The following ITGA1 variants were observed in gnomAD, a reference collection of about 807,000 sequenced individuals.
The protein encoded by ITGA1 is integrin subunit alpha 1, also known as integrin alpha-1.
A neutral mutation model predicts 145.9 loss-of-function variants in ITGA1; 85 were observed. That is an observed-to-expected ratio of 0.58 (90% CI 0.49 to 0.70). The LOEUF is 0.70. Ranked by LOEUF, ITGA1 falls within the 30% of genes least tolerant of loss-of-function variation. The pLI, the probability that ITGA1 is intolerant of heterozygous loss-of-function variation, is 0.00. For missense variants in ITGA1, 1,351 were observed against 1,418.7 expected (o/e 0.95, Z 0.77); for synonymous variants, 520 against 495.3 (o/e 1.05, Z -0.66).
At chr5:52,896,316 TC>T (rs1750223075) in intron 9 of ITGA1, among the ~76,000 whole-genome samples, 1 of 152,180 alleles carries the variant, frequency 6.6e-6, no homozygotes, top group East Asian at 1.9e-4. Context: ...GTTGCTGCAT[TC>T]TTATTGATCT....
In ITGA1 at chr5:52,849,429, G is replaced by T. The variant is rs201009495; in HGVS notation, c.126G>T (p.Pro42=). The T allele has an allele frequency of 2.5e-5, 41 of 1,611,442 alleles. No individual in the cohort carries two copies. In the East Asian group the frequency reaches 8.7e-4, roughly 34 times the overall value. ...AAAATTCAATGACTTTCAGCGGCCC[G>T]GTGGAAGACATGTTTGGATATACTG... ...DVKNSMTFSG[P]VEDMFGYTVQ... Residue 42 remains proline (P), a synonymous_variant, in exon 2 of 29, where the codon CCG becomes CCT. Coordinates refer to ENST00000282588, the MANE Select transcript of ITGA1 (RefSeq NM_181501.2).
chr5:52,868,395 G>A (rs552724167), intron 6 of ITGA1, among the ~76,000 whole-genome samples: 3 of 152,160 alleles, frequency 2.0e-5, no homozygotes, highest in African/African-American at 7.2e-5. Flanking sequence ...ACTCCATTTT[G>A]TAAAGAAATA....
At chr5:52,918,488 A>G (rs1027956959) in intron 15 of ITGA1, among the ~76,000 whole-genome samples, 4 of 152,212 alleles carry the variant, frequency 2.6e-5, no homozygotes, top group South Asian at 2.1e-4. Flanking sequence ...TTTCCATCAC[A>G]GGAAAAACTA....
intron 2 of ITGA1, among the ~76,000 whole-genome samples, chr5:52,860,450 G>T (rs1749580835): frequency 6.6e-6 from 1 of 152,182 alleles, no homozygotes; most frequent in Admixed American, 6.5e-5. Context: ...GGAGGCTGAG[G>T]CAGGAGAATC....
At position 52,920,319 on chromosome 5, in the gene ITGA1, A is replaced by G. The variant is rs11948400; in HGVS notation, c.2156-13A>G. The stretch of plus-strand genomic sequence containing the variant: ...TAAACATTTCCATCAATTATTTTTT[A>G]AAATTTTTGTAGATTTGCAGTACCG... On this transcript the variant is annotated splice_polypyrimidine_tract_variant and intron_variant, in intron 16 of 28. Transcript: ENST00000282588. 5.5e-3 allele frequency: 8,638 copies of G among 1,570,162 alleles called. 482 individuals carry two copies. In the African/African-American group the frequency reaches 0.11, roughly 19 times the overall value.
At chr5:52,897,915 A>G (rs771940427) in intron 10 of ITGA1, among the ~76,000 whole-genome samples, 12 of 152,210 alleles carry the variant, frequency 7.9e-5, no homozygotes, top group Non-Finnish European at 1.6e-4. Context: ...GGCACCCAGA[A>G]TAAAGTAGAA....
Position 52,945,035 on chromosome 5 carries a change from G to A in ITGA1, c.3378G>A (p.Glu1126=), listed in dbSNP as rs1425630874. The change falls in exon 27 of 29, where the codon GAG becomes GAA. Residue 1126 remains glutamate, a splice_region_variant and synonymous_variant. Coordinates refer to ENST00000282588, the MANE Select transcript of ITGA1 (RefSeq NM_181501.2). The part of the protein sequence containing the change: ...LVLSSSNQKR[E]LAIQISKDGL... Reference sequence around the variant, plus strand: ...TAAGTAGCAGCAATCAAAAAAGAGAGGTAAGTGCAACATGAGTTTTGAAAA... The same window carrying A: ...TAAGTAGCAGCAATCAAAAAAGAGAAGTAAGTGCAACATGAGTTTTGAAAA... The A allele has an allele frequency of 6.2e-7, 1 of 1,605,882 alleles. No homozygotes were observed. Among genetic ancestry groups the A allele is most frequent in the East Asian group, 2.2e-5 (1 of 44,744 alleles).
intron 28 of ITGA1, chr5:52,948,754 T>C (rs1751171589): frequency 6.6e-6 from 1 of 152,230 alleles, no homozygotes; most frequent in Non-Finnish European, 1.5e-5. Flanking sequence ...TTCATTTCTA[T>C]GCACCTCTAA....
chr5:52,886,050 G>A (rs1750041458), intron 7 of ITGA1, among the ~76,000 whole-genome samples: 2 of 152,312 alleles, frequency 1.3e-5, no homozygotes, highest in African/African-American at 4.8e-5. Context: ...TACCAAGGAT[G>A]AGGGATTTCC....
intron 1 of ITGA1, among the ~76,000 whole-genome samples, chr5:52,837,439 A>G (rs1749177452): frequency 6.6e-6 from 1 of 152,202 alleles, no homozygotes; most frequent in South Asian, 2.1e-4. Context: ...AAATGTCAGA[A>G]GTGGAAAGTT....
intron 18 of ITGA1, 56 bp from the exon 19 acceptor site, chr5:52,925,222 A>C (rs1750786171): frequency 7.5e-7 from 1 of 1,329,660 alleles, no homozygotes; most frequent in South Asian, 1.2e-5. Flanking sequence ...ATTGATGGGT[A>C]ATTTTCAACA....
chr5:52,842,212 A>C (rs1030529277), intron 1 of ITGA1, among the ~76,000 whole-genome samples: 2 of 152,170 alleles, frequency 1.3e-5, no homozygotes, highest in Non-Finnish European at 2.9e-5. Flanking sequence ...GTTTTGAGCA[A>C]CTGAGATGAG....
intron 28 of ITGA1, among the ~76,000 whole-genome samples, chr5:52,951,355 C>A (rs1751216224): frequency 6.6e-6 from 1 of 151,956 alleles, no homozygotes; most frequent in South Asian, 2.1e-4. Context: ...TAAAAATAAG[C>A]ATTTTAGGTT....
chr5:52,947,600 G>A (rs1415347709), intron 28 of ITGA1, 139 bp downstream of exon 28: 33 of 585,672 alleles, frequency 5.6e-5, no homozygotes, highest in South Asian at 1.8e-4. Flanking sequence ...CTAAGGGAAA[G>A]AAAAAAGAAA....
At chr5:52,840,307 C>T (rs983633249) in intron 1 of ITGA1, among the ~76,000 whole-genome samples, 20 of 152,142 alleles carry the variant, frequency 1.3e-4, no homozygotes, top group South Asian at 1.0e-3. Flanking sequence ...TGTTTTGAAG[C>T]GTAGTACGCC....
intron 15 of ITGA1, among the ~76,000 whole-genome samples, chr5:52,917,363 T>A (rs76686970): frequency 0.011 from 1,640 of 152,324 alleles, 28 homozygotes; most frequent in African/African-American, 0.036. Flanking sequence ...TACCAAGGAT[T>A]TAACTTCCTA....
At chr5:52,910,046 C>T in intron 13 of ITGA1, 116 bp from the exon 14 acceptor site, 2 of 1,008,066 alleles carry the variant, frequency 2.0e-6, no homozygotes, top group African/African-American at 1.6e-5. Flanking sequence ...ATTTTACCAA[C>T]TTTACCACTA....
At chr5:52,913,007 A>C (rs773005883) in intron 14 of ITGA1, among the ~76,000 whole-genome samples, 1 of 151,926 alleles carries the variant, frequency 6.6e-6, no homozygotes, top group Non-Finnish European at 1.5e-5. Context: ...CGGCCTCCCA[A>C]AGTGTTGGGA....
chr5:52,817,609 C>T (rs998403868), intron 1 of ITGA1, among the ~76,000 whole-genome samples: 3 of 152,120 alleles, frequency 2.0e-5, no homozygotes, highest in East Asian at 1.9e-4. Flanking sequence ...GGCTAGAAGT[C>T]TGCAAAATTA....
Sources: gnomAD v4.1 joint callset for allele counts (sites outside exome capture counted in the v4.1 genomes callset) on GRCh38, gnomAD v4.1.1 for gene constraint, MANE v1.5 for transcripts, NCBI Gene and HGNC (gene_info 2026-07-23, HGNC 2026-07-21) for gene names.